Variants in RP1 observed in about 807,000 individuals in gnomAD.
RP1 encodes oxygen-regulated protein 1.
A neutral mutation model predicts 14.8 loss-of-function variants in RP1; 16 were observed. The observed-to-expected ratio is 1.08, with a 90% CI of 0.73 to 1.65. The LOEUF (loss-of-function observed/expected upper bound fraction) is 1.65. Ranked by LOEUF, RP1 falls within the 40% of genes most tolerant of loss-of-function variation. The pLI, the probability that RP1 is intolerant of heterozygous loss-of-function variation, is 0.00. For synonymous variants in RP1, 876 were observed against 883.6 expected, an observed-to-expected ratio of 0.99 and a Z score of 0.15; for missense variants, 2,631 against 2,535.0, an observed-to-expected ratio of 1.04 and a Z score of -0.81.
At chr8:54,813,656 A>G (rs959685776) in intron 24 of RP1, among the ~76,000 whole-genome samples, 1 of 152,260 alleles carries the variant, frequency 6.6e-6, no homozygotes, top group African/African-American at 2.4e-5. Context: ...GCCAGCCCTC[A>G]TATGTACAGT....
chr8:54,835,378 T>A (rs1811633639), intron 24 of RP1, among the ~76,000 whole-genome samples: 1 of 152,176 alleles, frequency 6.6e-6, no homozygotes. Context: ...CTATGGGTAA[T>A]TTAGTTGCTA....
intron 1 of RP1, among the ~76,000 whole-genome samples, chr8:54,583,612 T>A (rs1389276474): frequency 3.9e-5 from 6 of 152,252 alleles, no homozygotes; most frequent in African/African-American, 7.2e-5. Context: ...AGAATTCGGC[T>A]GTGAATCCAT....
At chr8:54,756,920 G>C (rs1809520470) in intron 21 of RP1, among the ~76,000 whole-genome samples, 1 of 152,122 alleles carries the variant, frequency 6.6e-6, no homozygotes. Flanking sequence ...CAGACAGTAG[G>C]GAGGGTGTAT....
At chr8:54,780,946 T>A in intron 23 of RP1, 1 of 985,018 alleles carries the variant, frequency 1.0e-6, no homozygotes, top group Non-Finnish European at 1.2e-6. Context: ...ATATGGAAGA[T>A]CCTGTTAGAC....
At chr8:54,637,078 T>C (rs908626073) in intron 3 of RP1, among the ~76,000 whole-genome samples, 9 of 152,282 alleles carry the variant, frequency 5.9e-5, no homozygotes, top group African/African-American at 1.9e-4. Context: ...ATGGAGATTG[T>C]CTGGTGCTCT....
At chr8:54,844,714 G>A (rs1272232419) in intron 25 of RP1, among the ~76,000 whole-genome samples, 1 of 152,200 alleles carries the variant, frequency 6.6e-6, no homozygotes, top group Non-Finnish European at 1.5e-5. Context: ...CATATTGTTA[G>A]GAGAACAGGA....
chr8:54,683,845 A>T (rs772694591), intron 12 of RP1, among the ~76,000 whole-genome samples: 3 of 152,128 alleles, frequency 2.0e-5, no homozygotes, highest in Non-Finnish European at 2.9e-5. Flanking sequence ...GTTGAATAGG[A>T]GTAGTAAGAG....
intron 12 of RP1, among the ~76,000 whole-genome samples, chr8:54,687,068 G>A (rs1807580341): frequency 6.6e-6 from 1 of 152,022 alleles, no homozygotes; most frequent in East Asian, 1.9e-4. Flanking sequence ...ATAACACATG[G>A]AAAAGATAAT....
intron 25 of RP1, among the ~76,000 whole-genome samples, chr8:54,840,611 G>A (rs1811769166): frequency 7.8e-6 from 1 of 128,882 alleles, no homozygotes; most frequent in African/African-American, 3.0e-5. Context: ...AAAAAATGTG[G>A]AAGGCAGTTG....
At chr8:54,773,640 AAACT>A (rs1172265751), downstream of RP1, among the ~76,000 whole-genome samples, 4 of 152,168 alleles carry the variant, frequency 2.6e-5, no homozygotes, top group East Asian at 1.9e-4. Flanking sequence ...CTGTCTCAAA[AAACT>A]AACTAACTAA....
intron 24 of RP1, among the ~76,000 whole-genome samples, chr8:54,804,420 G>A (rs1005153509): frequency 2.6e-5 from 4 of 152,170 alleles, no homozygotes; most frequent in African/African-American, 9.7e-5. Flanking sequence ...TCATCATTTT[G>A]CCGGTGCTAG....
intron 23 of RP1, chr8:54,781,083 C>A (rs1436833142): frequency 3.1e-6 from 3 of 981,338 alleles, no homozygotes; most frequent in Non-Finnish European, 2.4e-6. Flanking sequence ...GCTGTGGTTT[C>A]CAAGAAAATT....
chr8:54,862,279 C>T (rs1422124440), intron 27 of RP1, among the ~76,000 whole-genome samples: 2 of 152,176 alleles, frequency 1.3e-5, no homozygotes, highest in African/African-American at 2.4e-5. Context: ...CTCTTACCTA[C>T]AGTATATAAG....
At chr8:54,691,768 T>A (rs1341952204) in intron 12 of RP1, among the ~76,000 whole-genome samples, 1 of 151,916 alleles carries the variant, frequency 6.6e-6, no homozygotes, top group Non-Finnish European at 1.5e-5. Context: ...GGAAAAAGCA[T>A]ACAAATATAT....
At chr8:54,816,939 G>T (rs2129395325) in intron 24 of RP1, among the ~76,000 whole-genome samples, 1 of 152,100 alleles carries the variant, frequency 6.6e-6, no homozygotes, top group Middle Eastern at 3.4e-3. Flanking sequence ...CCCTCTGCTT[G>T]CAGTGCTTTC....
At chr8:54,870,043 G>T (rs1267183815) in exon 29 of RP1, 2 of 506,892 alleles carry the variant, frequency 3.9e-6, no homozygotes, top group Non-Finnish European at 6.1e-6. Flanking sequence ...CAAACACCTG[G>T]GGAGGGTCAG....
chr8:54,602,351 A>G (rs1404639577), intron 1 of RP1, among the ~76,000 whole-genome samples: 1 of 152,180 alleles, frequency 6.6e-6, no homozygotes. Context: ...CCACGTCCCT[A>G]CAAAGGACAT....
chr8:54,706,702 C>G (rs1386391321), intron 15 of RP1: 1 of 1,521,160 alleles, frequency 6.6e-7, no homozygotes, highest in Admixed American at 2.0e-5. Context: ...AAGACATTTG[C>G]CAGTTGTAGA....
chr8:54,838,176 A>G (rs779556487), intron 25 of RP1, among the ~76,000 whole-genome samples: 19 of 152,214 alleles, frequency 1.2e-4, no homozygotes, highest in Non-Finnish European at 2.4e-4. Flanking sequence ...CTGCTTTGCT[A>G]CCCATTTAGA....
Sources: allele counts gnomAD v4.1 joint callset (sites outside exome capture counted in the v4.1 genomes callset), GRCh38; gene constraint gnomAD v4.1.1; transcripts MANE v1.5; gene names NCBI Gene and HGNC (gene_info 2026-07-23, HGNC 2026-07-21).